The following ANKRD17 variants were observed in gnomAD, a reference collection of about 807,000 sequenced individuals.
The protein encoded by ANKRD17 is ankyrin repeat domain 17, also known as ankyrin repeat domain-containing protein 17.
In ANKRD17, 19 loss-of-function variants were observed where a neutral mutation model predicts 229.7. That is an observed-to-expected ratio of 0.08 (90% CI 0.06 to 0.12). The LOEUF is 0.12. Ranked by LOEUF, ANKRD17 falls within the 10% of genes least tolerant of loss-of-function variation. ANKRD17 has a pLI of 1.00. For synonymous variants in ANKRD17, 1,112 were observed against 1,146.1 expected, an observed-to-expected ratio of 0.97 and a Z score of 0.60; for missense variants, 2,176 against 3,176.8, an observed-to-expected ratio of 0.68 and a Z score of 7.57.
chr4:73,174,165 A>G (rs1383147949), intron 2 of ANKRD17, among the ~76,000 whole-genome samples: 1 of 143,274 alleles, frequency 7.0e-6, no homozygotes, highest in Non-Finnish European at 1.6e-5. Context: ...CCTGATGAAC[A>G]TAGATGCAAA....
intron 2 of ANKRD17, among the ~76,000 whole-genome samples, chr4:73,165,498 T>C (rs746053578): frequency 6.6e-6 from 1 of 152,196 alleles, no homozygotes; most frequent in Non-Finnish European, 1.5e-5. Flanking sequence ...TTATGGTAGC[T>C]GGGTTAATTA....
intron 10 of ANKRD17, 141 bp downstream of exon 10, chr4:73,146,623 G>A (rs759727868): frequency 3.2e-6 from 2 of 620,762 alleles, no homozygotes; most frequent in Non-Finnish European, 5.2e-6. Context: ...GTGACTAAGT[G>A]AGAGAAAGAA....
intron 16 of ANKRD17, 121 bp from the exon 17 acceptor site, chr4:73,125,433 A>G: frequency 1.3e-6 from 1 of 779,238 alleles, no homozygotes; most frequent in Non-Finnish European, 2.0e-6. Context: ...AATATCAAGC[A>G]TTTGAAAAGC....
intron 24 of ANKRD17, among the ~76,000 whole-genome samples, chr4:73,104,248 C>T (rs1724347582): frequency 6.6e-6 from 1 of 152,198 alleles, no homozygotes; most frequent in Non-Finnish European, 1.5e-5. Context: ...AAAACAGTAA[C>T]TGGTGACCTT....
intron 1 of ANKRD17, among the ~76,000 whole-genome samples, chr4:73,183,230 C>G (rs1735814748): frequency 6.6e-6 from 1 of 152,054 alleles, no homozygotes; most frequent in African/African-American, 2.4e-5. Flanking sequence ...ACTGTAAAAA[C>G]AGTATTTTTG....
Position 73,173,224 on chromosome 4 carries a change from TA to T in ANKRD17, c.547+4155del, listed in dbSNP as rs199527290. ...ATGAGACAAGATCATTATATAATTA[TA>T]AAGGGGTCAATTAAGCAACAGGATA... On this transcript the variant is annotated intron_variant, in intron 2 of 33. Coordinates refer to ENST00000358602, the MANE Select transcript of ANKRD17 (RefSeq NM_032217.5). Among the ~76,000 whole-genome samples, 788 of 152,286 alleles carry T rather than the reference TA, an allele frequency of 5.2e-3. 9 individuals are homozygous for T. The highest frequency in any genetic ancestry group is 0.018 in the African/African-American group (752 of 41,550).
intron 1 of ANKRD17, among the ~76,000 whole-genome samples, chr4:73,239,379 TG>T (rs1269102567): frequency 1.3e-5 from 2 of 152,196 alleles, no homozygotes; most frequent in African/African-American, 4.8e-5. Context: ...AGCAGAACTT[TG>T]GATACAACCA....
At chr4:73,223,867 C>T (rs1167642892) in intron 1 of ANKRD17, among the ~76,000 whole-genome samples, 1 of 152,152 alleles carries the variant, frequency 6.6e-6, no homozygotes, top group Non-Finnish European at 1.5e-5. Context: ...ATATTATATT[C>T]ATTCCTGTAA....
At chr4:73,211,374 T>G (rs994345891) in intron 1 of ANKRD17, among the ~76,000 whole-genome samples, 1 of 152,102 alleles carries the variant, frequency 6.6e-6, no homozygotes, top group African/African-American at 2.4e-5. Flanking sequence ...AAAGATAAAG[T>G]TGAGTGGATA....
chr4:73,107,486 T>C (rs1448698671), intron 24 of ANKRD17, among the ~76,000 whole-genome samples: 1 of 152,188 alleles, frequency 6.6e-6, no homozygotes, highest in African/African-American at 2.4e-5. Flanking sequence ...GCATACATTA[T>C]AGTTTGTTAA....
rs146508902 is a variant in ANKRD17, at chr4:73,107,286, A to C, written c.4402-4739T>G. 2.3e-4 allele frequency among the ~76,000 whole-genome samples: 35 copies of C among 152,392 alleles called. No individual in the cohort carries two copies. In the East Asian group the frequency reaches 5.2e-3, roughly 23 times the overall value. The stretch of plus-strand genomic sequence containing the variant: ...AAGATTTCATTTCTCAATAAAGAGT[A>C]GTAATATCAACAGCAGAAAGAGATC... On this transcript the variant is annotated intron_variant, in intron 24 of 33. Coordinates refer to ENST00000358602, the MANE Select transcript of ANKRD17 (RefSeq NM_032217.5).
At position 73,139,932 on chromosome 4, in the gene ANKRD17, C is replaced by A. The variant is rs2148812651; in HGVS notation, c.2684G>T (p.Arg895Ile). 1 of 1,614,188 alleles carries A rather than the reference C, an allele frequency of 6.2e-7. No individual in the cohort carries two copies. The highest frequency in any genetic ancestry group is 1.3e-5 in the African/African-American group (1 of 75,040). Residue 895 changes from arginine (R) to isoleucine (I), a missense_variant, in exon 15 of 34, where the codon AGA becomes ATA. Around this residue, in one of 18 missense-constraint regions of ANKRD17, gnomAD observed 230 missense variants for 252.3 expected, o/e 0.91. Transcript: ENST00000358602. ...TTGCTGCTGTTGCTGAAGTTGAATTCTTTGAGCTTTAACCTCTAGATACTG... is the reference window on the plus strand; with the variant it reads ...TTGCTGCTGTTGCTGAAGTTGAATTATTTGAGCTTTAACCTCTAGATACTG... ...KKQYLEVKAQ[R>I]IQLQQQQQQS...
intron 1 of ANKRD17, chr4:73,223,048 TTC>T: frequency 6.5e-7 from 1 of 1,535,986 alleles, no homozygotes; most frequent in Non-Finnish European, 8.7e-7. Context: ...ACTGCCATGT[TTC>T]TTACTGCACT....
intron 1 of ANKRD17, among the ~76,000 whole-genome samples, chr4:73,226,629 G>C (rs1046515530): frequency 4.6e-5 from 7 of 151,544 alleles, no homozygotes; most frequent in Admixed American, 2.0e-4. Flanking sequence ...TCCTGACCTC[G>C]TAATTCACCC....
chr4:73,200,991 G>T (rs966115382), intron 1 of ANKRD17, among the ~76,000 whole-genome samples: 3 of 114,856 alleles, frequency 2.6e-5, no homozygotes, highest in East Asian at 3.1e-4. Context: ...TATGGGCGGG[G>T]GGGGGGGGAG....
At chr4:73,252,174 A>G (rs888347932) in intron 1 of ANKRD17, among the ~76,000 whole-genome samples, 8 of 152,240 alleles carry the variant, frequency 5.3e-5, no homozygotes, top group African/African-American at 1.9e-4. Context: ...TACATAAGAC[A>G]CATGGTACTG....
At chr4:73,256,007 T>G (rs939728642) in intron 1 of ANKRD17, among the ~76,000 whole-genome samples, 1 of 152,248 alleles carries the variant, frequency 6.6e-6, no homozygotes, top group African/African-American at 2.4e-5. Flanking sequence ...ATTACAGGCG[T>G]GAGCTACCAC....
chr4:73,130,608 C>T (rs1358303651), intron 16 of ANKRD17, among the ~76,000 whole-genome samples: 1 of 136,854 alleles, frequency 7.3e-6, no homozygotes, highest in East Asian at 2.0e-4. Context: ...CTATAAAGAT[C>T]TATTTTTTTT....
Position 73,161,228 on chromosome 4 carries a change from C to T in ANKRD17, c.668G>A (p.Arg223Lys). 6.2e-7 allele frequency: 1 copy of T among 1,614,216 alleles called. No homozygotes were observed. Among genetic ancestry groups the T allele is most frequent in the South Asian group, 1.1e-5 (1 of 91,080 alleles). The change falls in exon 3 of 34, where the codon AGA (arginine) becomes AAA (lysine). Residue 223 changes from arginine (R) to lysine (K), a missense_variant. Arg to Lys is a conservative substitution (Grantham distance 26, BLOSUM62 2). Coordinates refer to ENST00000358602, the MANE Select transcript of ANKRD17 (RefSeq NM_032217.5). ...DEAAAALTRM[R>K]AESTANAGQS... is the part of the protein sequence containing the mutation. Reference sequence around the variant, plus strand: ...CCCTGCATTTGCTGTGCTTTCAGCTCTCATACGGGTAAGTGCAGCAGCAGC... The same window carrying T: ...CCCTGCATTTGCTGTGCTTTCAGCTTTCATACGGGTAAGTGCAGCAGCAGC...
Sources: allele counts gnomAD v4.1 joint callset (sites outside exome capture counted in the v4.1 genomes callset), GRCh38; gene constraint gnomAD v4.1.1; regional missense constraint gnomAD v4.1.1; transcripts MANE v1.5; gene names NCBI Gene and HGNC (gene_info 2026-07-23, HGNC 2026-07-21).